Variants in ANKS3 observed in about 807,000 individuals in gnomAD.
ANKS3 encodes the protein ankyrin repeat and SAM domain-containing protein 3.
Under a neutral mutation model 80.7 loss-of-function variants are expected in ANKS3, and 62 were observed. That is an observed-to-expected ratio of 0.77 (90% CI 0.63 to 0.95). The LOEUF is 0.95. Among genes scored for constraint, ANKS3 ranks in the 40% least tolerant of loss-of-function variants. ANKS3 has a pLI of 0.00. For synonymous variants in ANKS3, 489 were observed against 355.3 expected, an observed-to-expected ratio of 1.38 and a Z score of -4.23; for missense variants, 1,150 against 883.6, an observed-to-expected ratio of 1.30 and a Z score of -3.82.
Position 4,700,972 on chromosome 16 carries a change from G to C in ANKS3, c.1282C>G (p.Gln428Glu), listed in dbSNP as rs759189093. The change falls in exon 11 of 18, where the codon CAG (glutamine) becomes GAG (glutamate). Residue 428 changes from glutamine to glutamate, a missense_variant and splice_region_variant. Gln to Glu is a conservative substitution (Grantham distance 29). Transcript: ENST00000304283. ...TCCAGTTTCACAAGCGGTCTTACCT[G>C]GGGTCCTGAGTAGGGGGCCCTCTGA... The part of the protein sequence containing the change: ...QTQRAPYSGP[Q>E]DLAALLEQIG... The C allele has an allele frequency of 6.2e-7, 1 of 1,613,922 alleles. No individual in the cohort carries two copies. Among genetic ancestry groups the C allele is most frequent in the Non-Finnish European group, 8.5e-7 (1 of 1,180,016 alleles).
chr16:4,714,219 T>G (rs2080653344), intron 6 of ANKS3, 33 bp from the exon 7 acceptor site: 4 of 1,610,426 alleles, frequency 2.5e-6, no homozygotes, highest in Non-Finnish European at 3.4e-6. Context: ...GTTAGGGGCC[T>G]CTCCTTCAAA....
At chr16:4,730,467 A>T (rs529061154) in intron 2 of ANKS3, among the ~76,000 whole-genome samples, 1 of 152,218 alleles carries the variant, frequency 6.6e-6, no homozygotes, top group South Asian at 2.1e-4. Flanking sequence ...AACTCTAGGA[A>T]CCTGACAACC....
At position 4,714,170 on chromosome 16, in the gene ANKS3, G is replaced by C; in HGVS notation, c.590C>G (p.Ala197Gly). ...GGCTGTGGCTCCACTGTGGTCTCTC[G>C]CGTCCACCTTGACTCCCTGTGAATG... is the stretch of plus-strand genomic sequence containing the variant. ...YFLNHGVKVD[A>G]RDHSGATARM... The change falls in exon 7 of 18, where the codon GCG becomes GGG. Residue 197 changes from alanine (A) to glycine (G), a missense_variant. By Grantham distance (60) the Ala-to-Gly change is moderately conservative (BLOSUM62 0). Transcript: ENST00000304283. 1 of 1,614,090 alleles carries C rather than the reference G, an allele frequency of 6.2e-7. No individual in the cohort carries two copies. The highest frequency in any genetic ancestry group is 8.5e-7 in the Non-Finnish European group (1 of 1,179,998).
chr16:4,712,718 C>T (rs142642762), intron 7 of ANKS3, among the ~76,000 whole-genome samples: 16 of 152,262 alleles, frequency 1.1e-4, no homozygotes, highest in Non-Finnish European at 2.1e-4. Context: ...TCTCATGTAA[C>T]GTGGCATTTC....
rs150048462 is a variant in ANKS3, at chr16:4,702,918, G to A, written c.869-676C>T. 1.7e-4 allele frequency among the ~76,000 whole-genome samples: 26 copies of A among 152,206 alleles called. No individual in the cohort carries two copies. In the South Asian group the frequency reaches 1.9e-3, roughly 11 times the overall value. On this transcript the variant is annotated intron_variant, in intron 8 of 17. Transcript: ENST00000304283. ...CTTGGGAGGCTGAGACAGGAGGATC[G>A]CTTGAGCTCAGGAACTGGAGCCTTC...
At chr16:4,709,393 C>T (rs1315741058) in intron 7 of ANKS3, among the ~76,000 whole-genome samples, 8 of 146,316 alleles carry the variant, frequency 5.5e-5, no homozygotes, top group African/African-American at 7.6e-5. Context: ...GAAACAAGAG[C>T]GAAACTCCAT....
In ANKS3 at chr16:4,699,181, C is replaced by A. The variant is rs1300295059; in HGVS notation, c.1285-5G>T. 1 of 1,613,882 alleles carries A rather than the reference C, an allele frequency of 6.2e-7. No homozygotes were observed. The highest frequency in any genetic ancestry group is 8.5e-7 in the Non-Finnish European group (1 of 1,179,958). ...CTCCAGCAGTGCGGCAAGGTCCTGG[C>A]AGGCACAGGGGACAGGTTGGGGGAG... On this transcript the variant is annotated splice_polypyrimidine_tract_variant and splice_region_variant and intron_variant, in intron 11 of 17. Coordinates refer to ENST00000304283, the MANE Select transcript of ANKS3 (RefSeq NM_133450.4).
In ANKS3 at chr16:4,705,087, C is replaced by A; in HGVS notation, c.868+8G>T. On this transcript the variant is annotated splice_region_variant and intron_variant, in intron 8 of 17. Transcript: ENST00000304283. ...AGAAAGAGCCCTCGGGAAACGCGGG[C>A]CACTCACCATAGCGAGGCCGTGGGG... The A allele has an allele frequency of 6.2e-7, 1 of 1,610,938 alleles. No homozygotes were observed.
chr16:4,705,437 G>C (rs1458588981), intron 7 of ANKS3, among the ~76,000 whole-genome samples, 184 bp from the exon 8 acceptor site: 1 of 152,200 alleles, frequency 6.6e-6, no homozygotes, highest in Non-Finnish European at 1.5e-5. Flanking sequence ...TGGGCCACAG[G>C]GAGCTGCAAA....
At chr16:4,730,389 G>C (rs1177706564) in intron 2 of ANKS3, 1 of 372,724 alleles carries the variant, frequency 2.7e-6, no homozygotes, top group Non-Finnish European at 4.7e-6. Flanking sequence ...CATATGGTGA[G>C]GCATTAACTG....
intron 6 of ANKS3, 118 bp from the exon 7 acceptor site, chr16:4,714,304 G>A: frequency 7.1e-7 from 1 of 1,412,894 alleles, no homozygotes. Context: ...TCCCTGTGTG[G>A]GAAACATCAC....
intron 5 of ANKS3, among the ~76,000 whole-genome samples, chr16:4,725,443 G>C (rs1332093890): frequency 1.3e-5 from 2 of 152,144 alleles, no homozygotes; most frequent in Non-Finnish European, 2.9e-5. Context: ...CATCTCTCAA[G>C]TCAGAAAACA....
intron 7 of ANKS3, among the ~76,000 whole-genome samples, chr16:4,713,254 G>C (rs60411598): frequency 0.048 from 7,239 of 151,956 alleles, 265 homozygotes; most frequent in African/African-American, 0.11. Flanking sequence ...AGCAACAAGA[G>C]CGAAACTCCC....
chr16:4,732,171 C>T (rs2081652332), intron 1 of ANKS3, among the ~76,000 whole-genome samples: 2 of 152,112 alleles, frequency 1.3e-5, no homozygotes, highest in Admixed American at 6.5e-5. Context: ...CCTGGAGCCA[C>T]CACCTCTTCA....
intron 6 of ANKS3, 187 bp from the exon 7 acceptor site, chr16:4,714,373 C>G (rs2080662930): frequency 1.2e-6 from 1 of 814,718 alleles, no homozygotes; most frequent in Admixed American, 3.0e-5. Flanking sequence ...TGCTCTCACT[C>G]TCTTCTTAGG....
At chr16:4,722,839 A>C (rs2081172415) in intron 6 of ANKS3, among the ~76,000 whole-genome samples, 1 of 150,750 alleles carries the variant, frequency 6.6e-6, no homozygotes, top group East Asian at 1.9e-4. Flanking sequence ...AACTGCTTGA[A>C]CTTGGGAGGT....
intron 5 of ANKS3, among the ~76,000 whole-genome samples, chr16:4,725,695 T>C (rs749192504): frequency 6.6e-6 from 1 of 152,224 alleles, no homozygotes; most frequent in Non-Finnish European, 1.5e-5. Flanking sequence ...TTTGCTCTTG[T>C]TGCTCAGGCT....
intron 8 of ANKS3, among the ~76,000 whole-genome samples, 193 bp from the exon 9 acceptor site, chr16:4,702,435 T>G (rs2079968169): frequency 6.6e-6 from 1 of 152,216 alleles, no homozygotes; most frequent in Non-Finnish European, 1.5e-5. Context: ...CCCAAGCAAG[T>G]GCCTGGTGGG....
At chr16:4,713,352 A>G (rs1350535057) in intron 7 of ANKS3, among the ~76,000 whole-genome samples, 1 of 152,202 alleles carries the variant, frequency 6.6e-6, no homozygotes, top group African/African-American at 2.4e-5. Flanking sequence ...TGACACCACT[A>G]AAGGACTTAT....
Sources: allele counts gnomAD v4.1 joint callset (sites outside exome capture counted in the v4.1 genomes callset), GRCh38; gene constraint gnomAD v4.1.1; transcripts MANE v1.5; gene names NCBI Gene and HGNC (gene_info 2026-07-23, HGNC 2026-07-21).